The following ARID3A variants were observed in gnomAD, a reference collection of about 807,000 sequenced individuals.
ARID3A encodes AT-rich interactive domain-containing protein 3A.
In ARID3A, 11 loss-of-function variants were observed where a neutral mutation model predicts 52.7. The observed-to-expected ratio is 0.21, with a 90% CI of 0.13 to 0.35. The LOEUF (loss-of-function observed/expected upper bound fraction) is 0.35. Ranked by LOEUF, ARID3A falls within the 10% of genes least tolerant of loss-of-function variation. ARID3A has a pLI of 1.00. For missense variants in ARID3A, 721 were observed against 838.5 expected, an observed-to-expected ratio of 0.86 and a Z score of 1.73; for synonymous variants, 404 against 359.4, an observed-to-expected ratio of 1.12 and a Z score of -1.40.
At position 926,492 on chromosome 19, in the gene ARID3A, C is replaced by G. The variant is rs79957903; in HGVS notation, c.-268+433C>G. Among the ~76,000 whole-genome samples the G allele has an allele frequency of 2.2e-4, 34 of 151,502 alleles. 1 individual carries two copies. In the South Asian group the frequency reaches 5.8e-3, roughly 26 times the overall value. On this transcript the variant is annotated intron_variant, in intron 1 of 8. Transcript: ENST00000263620. Reference sequence around the variant, plus strand: ...GAAGGAAATGGTCTCTGCGCGCGCGCGGGGGGCTGCACCCCGATATTTTAT... The same window carrying G: ...GAAGGAAATGGTCTCTGCGCGCGCGGGGGGGGCTGCACCCCGATATTTTAT...
chr19:928,302 G>A (rs1332568284), intron 1 of ARID3A: 1 of 152,194 alleles, frequency 6.6e-6, no homozygotes, highest in Non-Finnish European at 1.5e-5. Context: ...TGGGCGGGTG[G>A]AGGTGTGGCC....
In ARID3A at chr19:938,924, A is replaced by ATC. The variant is rs1163754483; in HGVS notation, c.693+6188_693+6189dup. Among the ~76,000 whole-genome samples the ATC allele has an allele frequency of 7.3e-6, 1 of 137,382 alleles. No individual in the cohort carries two copies. Among genetic ancestry groups the ATC allele is most frequent in the Non-Finnish European group, 1.6e-5 (1 of 64,274 alleles). The allele number at this position is 137,382 out of a possible 152,430, so 90.1% of individuals were successfully genotyped here. On this transcript the variant is annotated intron_variant, in intron 3 of 8. Coordinates refer to ENST00000263620, the MANE Select transcript of ARID3A (RefSeq NM_005224.3). This position sits in a 1 kb window ranked among gnomAD's most constrained non-coding sequence, Gnocchi z 4.0. Reference sequence around the variant, plus strand: ...AAAATACACATAGATACATTATTTTATCTCTCTTTTTTTTTTTTTTTTTTG... The same window carrying ATC: ...AAAATACACATAGATACATTATTTTATCTCTCTCTTTTTTTTTTTTTTTTTTG...
rs1340487398 is a variant in ARID3A at position 941,602 on chromosome 19, G to T, written c.693+8860G>T. On this transcript the variant is annotated intron_variant, in intron 3 of 8. Transcript: ENST00000263620. This position sits in a 1 kb window ranked among gnomAD's most constrained non-coding sequence, Gnocchi z 6.9. The stretch of plus-strand genomic sequence containing the variant: ...TTGTGAATGTCTATGTTGGGGTGAT[G>T]ATCTCCTGTGTGTGCATTTTTTTAA... 6.6e-6 allele frequency among the ~76,000 whole-genome samples: 1 copy of T among 152,090 alleles called. No homozygotes were observed. Among genetic ancestry groups the T allele is most frequent in the Non-Finnish European group, 1.5e-5 (1 of 68,002 alleles).
intron 8 of ARID3A, among the ~76,000 whole-genome samples, chr19:969,660 T>C (rs1268200491): frequency 9.2e-6 from 1 of 109,244 alleles, no homozygotes; most frequent in African/African-American, 3.6e-5. Context: ...TTTATATCTA[T>C]ATCTACATAG....
Position 947,694 on chromosome 19 carries a change from C to T in ARID3A, c.694-12398C>T, listed in dbSNP as rs993564578. 3.9e-5 allele frequency among the ~76,000 whole-genome samples: 6 copies of T among 152,222 alleles called. No individual in the cohort carries two copies. Among genetic ancestry groups the T allele is most frequent in the African/African-American group, 9.6e-5 (4 of 41,456 alleles). On this transcript the variant is annotated intron_variant, in intron 3 of 8. Coordinates refer to ENST00000263620, the MANE Select transcript of ARID3A (RefSeq NM_005224.3). This position sits in a 1 kb window ranked among gnomAD's most constrained non-coding sequence, Gnocchi z 6.3. ...AATCCACAGAGAAGCACCTTCACCA[C>T]GCCAGCTTCCCGGGCCGCGCTTCAT...
chr19:946,330 T>C (rs1352263238), intron 3 of ARID3A, among the ~76,000 whole-genome samples: 3 of 151,678 alleles, frequency 2.0e-5, no homozygotes, highest in African/African-American at 2.4e-5. Flanking sequence ...GGTGCGATCT[T>C]GGCTCACTGC....
In ARID3A at chr19:929,844, A is replaced by G. The variant is rs200325004; in HGVS notation, c.316A>G (p.Arg106Gly). The change falls in exon 2 of 9, where the codon AGA becomes GGA. Residue 106 changes from arginine to glycine, a missense_variant. Arg to Gly is a moderately radical substitution (Grantham distance 125). Coordinates refer to ENST00000263620, the MANE Select transcript of ARID3A (RefSeq NM_005224.3). This position sits in a 1 kb window ranked among gnomAD's most constrained non-coding sequence, Gnocchi z 6.2. The part of the protein sequence containing the change: ...EGTPGSPGRG[R>G]EGPGEEHFED... ...GACACCGGGCTCACCCGGGCGAGGC[A>G]GAGAAGGGCCAGGAGAGGAGCACTT... is the stretch of plus-strand genomic sequence containing the variant. 2,775 of 1,545,090 alleles carry G rather than the reference A, an allele frequency of 1.8e-3. 2 individuals are homozygous for G. The highest frequency in any genetic ancestry group is 2.0e-3 in the Non-Finnish European group (2,244 of 1,147,182).
intron 4 of ARID3A, among the ~76,000 whole-genome samples, chr19:961,485 C>T (rs2038039805): frequency 6.6e-6 from 1 of 152,242 alleles, no homozygotes; most frequent in Non-Finnish European, 1.5e-5. Flanking sequence ...AGATCCTCCC[C>T]ATGACCCTTT....
rs925335572 is a variant in ARID3A at position 938,809 on chromosome 19, G to A, written c.693+6067G>A. 1.3e-5 allele frequency among the ~76,000 whole-genome samples: 2 copies of A among 152,170 alleles called. No individual in the cohort carries two copies. The highest frequency in any genetic ancestry group is 1.3e-4 in the Admixed American group (2 of 15,260). ...CCACGGTGCCTGCCAGGCAGCTCTC[G>A]GGAGTGAAGCGAGACCCCAGCAAGA... On this transcript the variant is annotated intron_variant, in intron 3 of 8. Transcript: ENST00000263620. This position sits in a 1 kb window ranked among gnomAD's most constrained non-coding sequence, Gnocchi z 4.0.
intron 3 of ARID3A, among the ~76,000 whole-genome samples, chr19:951,972 C>T (rs144401454): frequency 0.015 from 2,241 of 151,350 alleles, 47 homozygotes; most frequent in African/African-American, 0.048. Context: ...CCCGTCTCTG[C>T]AAAAAATTTA....
rs139496389 is a variant in ARID3A, at chr19:940,299, A to C, written c.693+7557A>C. Reference sequence around the variant, plus strand: ...AACACTAATGATACCTGATGAGCCAAAAAAAATTGCAAAAAAACTCTCATC... The same window carrying C: ...AACACTAATGATACCTGATGAGCCACAAAAAATTGCAAAAAAACTCTCATC... On this transcript the variant is annotated intron_variant, in intron 3 of 8. Coordinates refer to ENST00000263620, the MANE Select transcript of ARID3A (RefSeq NM_005224.3). 7.7e-3 allele frequency among the ~76,000 whole-genome samples: 1,175 copies of C among 152,208 alleles called. 14 individuals are homozygous for C. The highest frequency in any genetic ancestry group is 0.027 in the Middle Eastern group (8 of 294).
At chr19:955,676 C>T (rs1161851233) in intron 3 of ARID3A, among the ~76,000 whole-genome samples, 4 of 152,146 alleles carry the variant, frequency 2.6e-5, no homozygotes, top group African/African-American at 4.8e-5. Context: ...GCAGGAGGTG[C>T]GGTGAGGTTT....
intron 3 of ARID3A, among the ~76,000 whole-genome samples, chr19:955,190 A>T (rs1250053650): frequency 1.3e-5 from 2 of 152,172 alleles, no homozygotes; most frequent in Non-Finnish European, 2.9e-5. Context: ...GGACACCGCC[A>T]TGGGCAGCCT....
chr19:926,795 C>G (rs1250808463), intron 1 of ARID3A, among the ~76,000 whole-genome samples: 1 of 151,766 alleles, frequency 6.6e-6, no homozygotes, highest in Non-Finnish European at 1.5e-5. Context: ...GCGCTGGGAG[C>G]GCGCGTTTGT....
At chr19:939,788 G>C (rs947944251) in intron 3 of ARID3A, among the ~76,000 whole-genome samples, 1 of 152,172 alleles carries the variant, frequency 6.6e-6, no homozygotes, top group African/African-American at 2.4e-5. Context: ...CCTGTTGTAA[G>C]CAATACTGTA....
At chr19:961,278 G>A (rs986887025) in intron 4 of ARID3A, among the ~76,000 whole-genome samples, 7 of 152,038 alleles carry the variant, frequency 4.6e-5, no homozygotes, top group South Asian at 2.1e-4. Context: ...CCCCAGACCC[G>A]CCACTGCCAG....
rs2037753301 is a variant in ARID3A, at chr19:949,237, C to T, written c.694-10855C>T. On this transcript the variant is annotated intron_variant, in intron 3 of 8. Coordinates refer to ENST00000263620, the MANE Select transcript of ARID3A (RefSeq NM_005224.3). Reference sequence around the variant, plus strand: ...AGTGCTGGGTCCCGCCCTGCCCACCCCTCCCAGCGGCGGCGTGGGTGCCTG... The same window carrying T: ...AGTGCTGGGTCCCGCCCTGCCCACCTCTCCCAGCGGCGGCGTGGGTGCCTG... Among the ~76,000 whole-genome samples, 4 of 152,294 alleles carry T rather than the reference C, an allele frequency of 2.6e-5. No homozygotes were observed. In the South Asian group the frequency reaches 8.3e-4, roughly 32 times the overall value.
Position 966,596 on chromosome 19 carries a change from C to A in ARID3A, c.1223C>A (p.Thr408Lys). Residue 408 changes from threonine to lysine, a missense_variant, in exon 7 of 9, where the codon ACA becomes AAA. Thr to Lys is a moderately conservative substitution (Grantham distance 78, BLOSUM62 -1). Coordinates refer to ENST00000263620, the MANE Select transcript of ARID3A (RefSeq NM_005224.3). ...KKEEDSAIPI[T>K]VPGRLPVSLA... ...GAGGAGGACTCAGCCATCCCCATCA[C>A]AGTCCCTGGCCGCCTGCCTGTGTCC... The A allele has an allele frequency of 6.4e-7, 1 of 1,571,048 alleles. No individual in the cohort carries two copies.
chr19:968,155 TC>T lies in ARID3A; in HGVS notation c.1496-249del, dbSNP rs1568374488. Among the ~76,000 whole-genome samples the T allele has an allele frequency of 4.0e-5, 6 of 151,226 alleles. No homozygotes were observed. In the South Asian group the frequency reaches 1.3e-3, roughly 32 times the overall value. ...GCGGGTGGATCACGAGGTCAAGAGA[TC>T]GAGACCATCCTGGCCAACATGGTGA... is the stretch of plus-strand genomic sequence containing the variant. On this transcript the variant is annotated intron_variant, in intron 7 of 8. Transcript: ENST00000263620.
Sources: allele counts gnomAD v4.1 joint callset (sites outside exome capture counted in the v4.1 genomes callset), GRCh38; gene constraint gnomAD v4.1.1; non-coding constraint Gnocchi (gnomAD v3.1); transcripts MANE v1.5; gene names NCBI Gene and HGNC (gene_info 2026-07-23, HGNC 2026-07-21).